PRDM2: variants seen among roughly 807,000 people sequenced by gnomAD.
PRDM2 encodes the protein PR/SET domain 2.
A neutral mutation model predicts 130.0 loss-of-function variants in PRDM2; 30 were observed. The observed-to-expected ratio is 0.23, with a 90% CI of 0.17 to 0.31. PRDM2 has a LOEUF of 0.31. PRDM2 is among the 10% of genes least tolerant of loss of function. The pLI is 1.00. For missense variants in PRDM2, 2,011 were observed against 2,108.4 expected (o/e 0.95, Z 0.90); for synonymous variants, 871 against 782.4 (o/e 1.11, Z -1.89).
In PRDM2 at chr1:13,781,406, G is replaced by C. The variant is rs1644609119; in HGVS notation, c.3611G>C (p.Cys1204Ser). ...TGTAAAAAAGAATTTGCTTTTTTGT[G>C]CAATTTGCAGCAGCACCAGCGAGAT... ...SVCKKEFAFL[C>S]NLQQHQRDLH... The change falls in exon 8 of 10, where the codon TGC becomes TCC. Residue 1204 changes from cysteine (C) to serine (S), a missense_variant. Cys to Ser is a moderately radical substitution (Grantham distance 112, BLOSUM62 -1). Coordinates refer to ENST00000311066, the MANE Select transcript of PRDM2 (RefSeq NM_001393986.1). This position sits in a 1 kb window ranked among gnomAD's most constrained non-coding sequence, Gnocchi z 6.1. 6.8e-7 allele frequency: 1 copy of C among 1,479,968 alleles called. No homozygotes were observed. Among genetic ancestry groups the C allele is most frequent in the Admixed American group, 1.9e-5 (1 of 52,998 alleles). The allele number at this position is 1,479,968 out of a possible 1,614,324, so 91.7% of individuals were successfully genotyped here. A position where few individuals can be genotyped will look rare whatever the true frequency, so the allele number is the denominator to read the frequency against.
rs769455041 is a variant in PRDM2 at position 13,732,793 on chromosome 1, A to G, written c.142A>G (p.Lys48Glu). 6.2e-7 allele frequency: 1 copy of G among 1,603,364 alleles called. No homozygotes were observed. Among genetic ancestry groups the G allele is most frequent in the African/African-American group, 1.3e-5 (1 of 74,410 alleles). Residue 48 changes from lysine to glutamate, a missense_variant, in exon 4 of 10, where the codon AAA becomes GAA. By Grantham distance (56) the Lys-to-Glu change is moderately conservative (BLOSUM62 1). Around this residue, in one of 5 missense-constraint regions of PRDM2, gnomAD observed 79 missense variants for 93.6 expected, o/e 0.84. Coordinates refer to ENST00000311066, the MANE Select transcript of PRDM2 (RefSeq NM_001393986.1). ...TTATTTTCTAGGTGTCTGGGCCACTAAACCAATTTTAAAAGGCAAAAAATT... is the reference window on the plus strand; with the variant it reads ...TTATTTTCTAGGTGTCTGGGCCACTGAACCAATTTTAAAAGGCAAAAAATT... ...DKTRIGVWAT[K>E]PILKGKKFGP...
intron 8 of PRDM2, among the ~76,000 whole-genome samples, chr1:13,805,519 C>T (rs72869954): frequency 0.022 from 3,284 of 152,232 alleles, 112 homozygotes; most frequent in African/African-American, 0.075. Flanking sequence ...GGCTGAGGGC[C>T]GATGGCTCCC....
At chr1:13,736,658 T>C (rs2100490968) in intron 4 of PRDM2, among the ~76,000 whole-genome samples, 1 of 152,318 alleles carries the variant, frequency 6.6e-6, no homozygotes, top group East Asian at 1.9e-4. Flanking sequence ...TTTTAACTTT[T>C]TATAAATTTT....
At chr1:13,797,133 A>T (rs1188453331) in intron 8 of PRDM2, among the ~76,000 whole-genome samples, 1 of 152,226 alleles carries the variant, frequency 6.6e-6, no homozygotes, top group African/African-American at 2.4e-5. Context: ...TTACAAACCC[A>T]TGGAAGTACT....
chr1:13,807,334 A>G (rs949801950), intron 8 of PRDM2, among the ~76,000 whole-genome samples: 2 of 152,246 alleles, frequency 1.3e-5, no homozygotes, highest in African/African-American at 4.8e-5. Flanking sequence ...GATGACTGCT[A>G]CTGTATGCCA....
At chr1:13,802,130 C>G (rs1362857862) in intron 8 of PRDM2, among the ~76,000 whole-genome samples, 1 of 152,200 alleles carries the variant, frequency 6.6e-6, no homozygotes, top group Non-Finnish European at 1.5e-5. Flanking sequence ...CAACCCCGGA[C>G]CCTGGGCACA....
At chr1:13,810,100 T>C (rs936049520) in intron 8 of PRDM2, among the ~76,000 whole-genome samples, 2 of 152,012 alleles carry the variant, frequency 1.3e-5, no homozygotes, top group African/African-American at 2.4e-5. Flanking sequence ...TACAATCACA[T>C]TGGGGGTTAG....
intron 6 of PRDM2, among the ~76,000 whole-genome samples, chr1:13,772,592 A>C (rs1644383143): frequency 6.6e-6 from 1 of 152,226 alleles, no homozygotes; most frequent in Non-Finnish European, 1.5e-5. Flanking sequence ...ATTCCGCAGA[A>C]TCTCTGCTTC....
rs78821130 is a variant in PRDM2 at position 13,761,602 on chromosome 1, C to T, written c.512-11476C>T. Reference sequence around the variant, plus strand: ...TAATAACACAGGAGTCCCTGACCCCCAGTGTTGTCTACCAAATGTTGTGTT... The same window carrying T: ...TAATAACACAGGAGTCCCTGACCCCTAGTGTTGTCTACCAAATGTTGTGTT... On this transcript the variant is annotated intron_variant, in intron 6 of 9. Transcript: ENST00000311066. Among the ~76,000 whole-genome samples, 290 of 152,194 alleles carry T rather than the reference C, an allele frequency of 1.9e-3. 1 individual carries two copies. The highest frequency in any genetic ancestry group is 6.3e-3 in the African/African-American group (261 of 41,528).
chr1:13,779,211 C>T lies in PRDM2; in HGVS notation c.1416C>T (p.Val472=), dbSNP rs900355756. 62 of 1,613,926 alleles carry T rather than the reference C, an allele frequency of 3.8e-5. No homozygotes were observed. The highest frequency in any genetic ancestry group is 4.9e-5 in the Non-Finnish European group (58 of 1,180,002). Residue 472 remains valine, a synonymous_variant, in exon 8 of 10, where the codon GTC becomes GTT. Coordinates refer to ENST00000311066, the MANE Select transcript of PRDM2 (RefSeq NM_001393986.1). The surrounding 1 kb of genome is among the most constrained non-coding windows in gnomAD (Gnocchi z 4.9). ...KASQDTINSS[V]VEENGEVKEL... is the part of the protein sequence containing the mutation. ...CCCAAGACACAATAAATTCTTCTGT[C>T]GTAGAAGAGAATGGGGAAGTTAAAG... is the stretch of plus-strand genomic sequence containing the variant.
At position 13,806,523 on chromosome 1, in the gene PRDM2, C is replaced by T. The variant is rs888297252; in HGVS notation, c.5037-9904C>T. On this transcript the variant is annotated intron_variant, in intron 8 of 9. Coordinates refer to ENST00000311066, the MANE Select transcript of PRDM2 (RefSeq NM_001393986.1). The surrounding 1 kb of genome is among the most constrained non-coding windows in gnomAD (Gnocchi z 4.1). Reference sequence around the variant, plus strand: ...CCTCCCTATGTGGGATGAATGGAAACGGTCCTGCTTGGAGTCCAGCTACCA... The same window carrying T: ...CCTCCCTATGTGGGATGAATGGAAATGGTCCTGCTTGGAGTCCAGCTACCA... Among the ~76,000 whole-genome samples, 1 of 152,152 alleles carries T rather than the reference C, an allele frequency of 6.6e-6. No homozygotes were observed. The highest frequency in any genetic ancestry group is 1.5e-5 in the Non-Finnish European group (1 of 68,030).
At chr1:13,762,073 A>G (rs1644110828) in intron 6 of PRDM2, among the ~76,000 whole-genome samples, 1 of 152,270 alleles carries the variant, frequency 6.6e-6, no homozygotes, top group South Asian at 2.1e-4. Flanking sequence ...TAATTTGTTT[A>G]GTAGCATCTG....
intron 8 of PRDM2, among the ~76,000 whole-genome samples, chr1:13,808,414 A>G (rs545629201): frequency 6.7e-6 from 1 of 148,640 alleles, no homozygotes; most frequent in South Asian, 2.2e-4. Flanking sequence ...CAGTGAGTGG[A>G]GATCGCACCA....
intron 6 of PRDM2, among the ~76,000 whole-genome samples, chr1:13,772,692 T>G (rs1644384980): frequency 6.6e-6 from 1 of 152,228 alleles, no homozygotes; most frequent in South Asian, 2.1e-4. Flanking sequence ...AATATGCTTC[T>G]TACAAATAGC....
At chr1:13,748,917 T>G (rs1158316700) in intron 5 of PRDM2, among the ~76,000 whole-genome samples, 1 of 152,220 alleles carries the variant, frequency 6.6e-6, no homozygotes, top group Admixed American at 6.5e-5. Flanking sequence ...CTGTTGAAGT[T>G]GCTCTTGGTC....
At chr1:13,819,273 C>T (rs948951007) in intron 9 of PRDM2, among the ~76,000 whole-genome samples, 1 of 152,222 alleles carries the variant, frequency 6.6e-6, no homozygotes, top group Admixed American at 6.5e-5. Flanking sequence ...TAGCATTTGC[C>T]AAGCCTTATG....
intron 1 of PRDM2, among the ~76,000 whole-genome samples, chr1:13,710,128 T>TA (rs1198167387): frequency 6.6e-6 from 1 of 152,244 alleles, no homozygotes; most frequent in African/African-American, 2.4e-5. Flanking sequence ...AAAGGGCAGA[T>TA]ATGAAGACAG....
chr1:13,773,528 A>C (rs1010236332), intron 7 of PRDM2: 10 of 163,138 alleles, frequency 6.1e-5, no homozygotes. Flanking sequence ...CCCGGGCAAC[A>C]TAGTGAGACC....
At chr1:13,749,288 C>G in intron 5 of PRDM2, 73 bp from the exon 6 acceptor site, 1 of 1,279,842 alleles carries the variant, frequency 7.8e-7, no homozygotes, top group Non-Finnish European at 1.0e-6. Flanking sequence ...CGCCCGCGTC[C>G]CGGTGCGCGC....
Sources: allele counts gnomAD v4.1 joint callset (sites outside exome capture counted in the v4.1 genomes callset), GRCh38; gene constraint gnomAD v4.1.1; regional missense constraint gnomAD v4.1.1; non-coding constraint Gnocchi (gnomAD v3.1); transcripts MANE v1.5; gene names NCBI Gene and HGNC (gene_info 2026-07-23, HGNC 2026-07-21).